The following NKAIN3 variants were observed in gnomAD, a reference collection of about 807,000 sequenced individuals.
NKAIN3 encodes the protein sodium/potassium-transporting ATPase subunit beta-1-interacting protein 3.
A neutral mutation model predicts 30.2 loss-of-function variants in NKAIN3; 25 were observed. The observed-to-expected ratio is 0.83, with a 90% confidence interval of 0.60 to 1.16. The LOEUF (loss-of-function observed/expected upper bound fraction) is 1.16, where lower values mean the gene tolerates loss of function less well. Among genes scored for constraint, NKAIN3 ranks in the 50% most tolerant of loss-of-function variants. The pLI, the probability that NKAIN3 is intolerant of heterozygous loss-of-function variation, is 0.00. For synonymous variants in NKAIN3, 91 were observed against 89.6 expected, an observed-to-expected ratio of 1.02 and a Z score of -0.09; for missense variants, 225 against 254.1, an observed-to-expected ratio of 0.89 and a Z score of 0.78.
chr8:62,786,904 A>T (rs1333644539), intron 4 of NKAIN3, among the ~76,000 whole-genome samples: 1 of 152,138 alleles, frequency 6.6e-6, no homozygotes, highest in Non-Finnish European at 1.5e-5. Flanking sequence ...AATTGTAAGC[A>T]TATGTTTCAG....
At chr8:62,735,601 G>A (rs934157968) in intron 3 of NKAIN3, among the ~76,000 whole-genome samples, 2 of 151,872 alleles carry the variant, frequency 1.3e-5, no homozygotes, top group Non-Finnish European at 2.9e-5. Context: ...TTGGTGCCTC[G>A]TTAAGTACCT....
chr8:62,290,093 G>A (rs556124205), intron 1 of NKAIN3, among the ~76,000 whole-genome samples: 84 of 152,228 alleles, frequency 5.5e-4, no homozygotes, highest in African/African-American at 1.9e-3. Flanking sequence ...CATTGATTTT[G>A]TATCCTGAGA....
intron 4 of NKAIN3, among the ~76,000 whole-genome samples, chr8:62,801,172 T>C (rs1818049521): frequency 6.6e-6 from 1 of 152,204 alleles, no homozygotes; most frequent in African/African-American, 2.4e-5. Context: ...CTCTGTAGGC[T>C]CCACCTCTGG....
intron 1 of NKAIN3, among the ~76,000 whole-genome samples, chr8:62,450,235 A>G (rs1463639180): frequency 6.6e-6 from 1 of 152,146 alleles, no homozygotes; most frequent in Non-Finnish European, 1.5e-5. Flanking sequence ...ATTTTTATTA[A>G]CATTTACATT....
At chr8:62,387,716 A>G (rs963660193) in intron 1 of NKAIN3, among the ~76,000 whole-genome samples, 1 of 152,314 alleles carries the variant, frequency 6.6e-6, no homozygotes, top group East Asian at 1.9e-4. Context: ...TGAGAAAGTC[A>G]CTTAACCACG....
At chr8:62,655,313 C>G (rs1164010089) in intron 3 of NKAIN3, among the ~76,000 whole-genome samples, 1 of 152,080 alleles carries the variant, frequency 6.6e-6, no homozygotes, top group East Asian at 1.9e-4. Flanking sequence ...TCACTACTCT[C>G]TATTATAGGC....
At chr8:62,351,311 T>C (rs1816171398) in intron 1 of NKAIN3, among the ~76,000 whole-genome samples, 1 of 149,926 alleles carries the variant, frequency 6.7e-6, no homozygotes, top group African/African-American at 2.4e-5. Flanking sequence ...CTCTAGGTTA[T>C]TTATAATACC....
chr8:62,781,113 A>C (rs750714988), intron 4 of NKAIN3, among the ~76,000 whole-genome samples: 2 of 152,096 alleles, frequency 1.3e-5, no homozygotes, highest in Non-Finnish European at 2.9e-5. Context: ...CATAAAAATC[A>C]GTAGCATTTA....
chr8:62,256,259 A>T (rs1007796986), intron 1 of NKAIN3, among the ~76,000 whole-genome samples: 6 of 151,726 alleles, frequency 4.0e-5, no homozygotes, highest in East Asian at 3.9e-4. Context: ...TAAAAAAAAA[A>T]TTTAAAAAAA....
chr8:62,973,385 T>C lies in NKAIN3; in HGVS notation c.*7978T>C, dbSNP rs1823875207. Among the ~76,000 whole-genome samples the C allele has an allele frequency of 1.3e-5, 2 of 152,314 alleles. No individual in the cohort carries two copies. Among genetic ancestry groups the C allele is most frequent in the African/African-American group, 2.4e-5 (1 of 41,580 alleles). ...CTAACTGGTGTGAGGTGGTATCTCA[T>C]TGTCGTTTTGATTTGCATTTCTCTA... On this transcript the variant is annotated 3_prime_UTR_variant, in exon 7 of 7. Transcript: ENST00000623646.
At chr8:62,663,350 T>C (rs941210042) in intron 3 of NKAIN3, among the ~76,000 whole-genome samples, 3 of 152,214 alleles carry the variant, frequency 2.0e-5, no homozygotes, top group Non-Finnish European at 2.9e-5. Context: ...TCTATTGTAG[T>C]AATTCAGGCA....
intron 3 of NKAIN3, among the ~76,000 whole-genome samples, chr8:62,690,766 G>T (rs1032540332): frequency 3.3e-5 from 5 of 152,200 alleles, no homozygotes; most frequent in African/African-American, 1.2e-4. Context: ...ACCAGCTTGA[G>T]ATTTTCTGAA....
chr8:62,703,776 A>G (rs13282966), intron 3 of NKAIN3, among the ~76,000 whole-genome samples: 19,231 of 152,168 alleles, frequency 0.13, 1,365 homozygotes, highest in East Asian at 0.17. Context: ...CACTTGATCT[A>G]TTATTTGTCT....
intron 1 of NKAIN3, among the ~76,000 whole-genome samples, chr8:62,451,821 G>C (rs557483083): frequency 6.6e-6 from 1 of 152,240 alleles, no homozygotes; most frequent in East Asian, 1.9e-4. Context: ...GAAGAGCCTA[G>C]AAAGCTTCAG....
intron 1 of NKAIN3, among the ~76,000 whole-genome samples, chr8:62,354,146 AAAC>A (rs1816271671): frequency 6.6e-6 from 1 of 152,216 alleles, no homozygotes; most frequent in Non-Finnish European, 1.5e-5. Flanking sequence ...TCTTTTAGAA[AAAC>A]AACGTTGTGA....
intron 5 of NKAIN3, among the ~76,000 whole-genome samples, chr8:62,941,478 C>A (rs1585602288): frequency 6.6e-6 from 1 of 151,818 alleles, no homozygotes; most frequent in African/African-American, 2.4e-5. Context: ...CAGACCAATA[C>A]CCCTGATGAA....
At chr8:62,683,652 C>A (rs1205040991) in intron 3 of NKAIN3, among the ~76,000 whole-genome samples, 3 of 152,130 alleles carry the variant, frequency 2.0e-5, no homozygotes, top group Non-Finnish European at 4.4e-5. Flanking sequence ...GACTTTCATT[C>A]ATTTATTAAA....
rs1475198241 is a variant in NKAIN3 at position 62,806,454 on chromosome 8, C to T, written c.471+59325C>T. 3.9e-5 allele frequency among the ~76,000 whole-genome samples: 6 copies of T among 152,272 alleles called. No homozygotes were observed. In the South Asian group the frequency reaches 8.3e-4, roughly 21 times the overall value. ...ATTAAGAAAATGTGGCACATATACA[C>T]CATGGAATACTATGTAGCCATAAAA... On this transcript the variant is annotated intron_variant, in intron 4 of 6. Transcript: ENST00000623646.
At position 62,998,272 on chromosome 8, in the gene NKAIN3, CT is replaced by C. The variant is rs969458493; in HGVS notation, c.533-950del. 5.3e-3 allele frequency among the ~76,000 whole-genome samples: 793 copies of C among 150,950 alleles called. 9 individuals carry two copies. Among genetic ancestry groups the C allele is most frequent in the African/African-American group, 0.019 (763 of 41,184 alleles). Reference sequence around the variant, plus strand: ...TTTTTCTTTCTCTCTCTCTCTCTCTCTTTTTTTTTCCCCCACAGGGAGGGAT... The same window carrying C: ...TTTTTCTTTCTCTCTCTCTCTCTCTCTTTTTTTTCCCCCACAGGGAGGGAT... On this transcript the variant is annotated intron_variant, in intron 5 of 5. Coordinates refer to the NKAIN3 transcript ENST00000519049.
Sources: allele counts gnomAD v4.1 joint callset (sites outside exome capture counted in the v4.1 genomes callset), GRCh38; gene constraint gnomAD v4.1.1; transcripts MANE v1.5; gene names NCBI Gene and HGNC (gene_info 2026-07-23, HGNC 2026-07-21).